CNTROB: variants seen among roughly 807,000 people sequenced by gnomAD.
The protein encoded by CNTROB is centrobin.
CNTROB carries 82 observed loss-of-function variants against 115.7 expected under a neutral mutation model. That is an observed-to-expected ratio of 0.71 (90% CI 0.59 to 0.85). The LOEUF (loss-of-function observed/expected upper bound fraction) is 0.85, where lower values mean the gene tolerates loss of function less well. Among genes scored for constraint, CNTROB ranks in the 40% least tolerant of loss-of-function variants. CNTROB has a pLI of 0.00. For synonymous variants in CNTROB, 439 were observed against 456.4 expected (o/e 0.96, Z 0.49); for missense variants, 1,014 against 1,144.4 (o/e 0.89, Z 1.64).
In CNTROB at chr17:7,933,168, T is replaced by G. The variant is rs763407588; in HGVS notation, c.89T>G (p.Val30Gly). ...DSSEPPGLNQVSSEVTSQLYA... is the reference protein window; with the variant it reads ...DSSEPPGLNQGSSEVTSQLYA... ...TCAGAACCCCCTGGGCTCAACCAAG[T>G]GTCGTCTGAAGTGACCTCCCAGCTC... is the stretch of plus-strand genomic sequence containing the variant. Residue 30 changes from valine to glycine, a missense_variant, in exon 1 of 19, where the codon GTG becomes GGG. Transcript: ENST00000563694. 6.2e-7 allele frequency: 1 copy of G among 1,613,994 alleles called. No individual in the cohort carries two copies. Among genetic ancestry groups the G allele is most frequent in the Admixed American group, 1.7e-5 (1 of 60,004 alleles).
At chr17:7,934,903 G>C in intron 3 of CNTROB, 86 bp from the exon 4 acceptor site, 4 of 1,458,838 alleles carry the variant, frequency 2.7e-6, no homozygotes, top group African/African-American at 1.4e-5. Flanking sequence ...CTGGGTCTCA[G>C]TTTCCTCATT....
chr17:7,942,439 T>A (rs1973987520), intron 9 of CNTROB, among the ~76,000 whole-genome samples: 1 of 151,206 alleles, frequency 6.6e-6, no homozygotes, highest in Non-Finnish European at 1.5e-5. Flanking sequence ...CTACTAAAAA[T>A]ACAAAAAATT....
intron 13 of CNTROB, among the ~76,000 whole-genome samples, chr17:7,947,125 C>T (rs1471216405): frequency 1.4e-5 from 2 of 146,938 alleles, no homozygotes; most frequent in Non-Finnish European, 3.0e-5. Context: ...CGCGCCGCTG[C>T]ACTTCAGCCT....
In CNTROB at chr17:7,949,407, G is replaced by C; in HGVS notation, c.2609G>C (p.Arg870Pro). 1 of 1,613,932 alleles carries C rather than the reference G, an allele frequency of 6.2e-7. No homozygotes were observed. The change falls in exon 19 of 19, where the codon CGC (arginine) becomes CCC (proline). Residue 870 changes from arginine to proline, a missense_variant. Arg to Pro is a moderately radical substitution (Grantham distance 103). Transcript: ENST00000563694. ...RKEIPSQAVPRRLATAPKTEK... is the reference protein window; with the variant it reads ...RKEIPSQAVPPRLATAPKTEK... ...CAGATTCCCTCCCAGGCTGTCCCTC[G>C]CCGCCTTGCTACAGCCCCCAAGACT...
chr17:7,944,660 A>G lies in CNTROB; in HGVS notation c.1734+22A>G, dbSNP rs376514195. ...TCCAGTACGCCTTACCCCTTGAGCTAAGCTTCTCCGTTATGTTCTATTTTT... is the reference window on the plus strand; with the variant it reads ...TCCAGTACGCCTTACCCCTTGAGCTGAGCTTCTCCGTTATGTTCTATTTTT... On this transcript the variant is annotated intron_variant, in intron 12 of 18. Transcript: ENST00000563694. This position sits in a 1 kb window ranked among gnomAD's most constrained non-coding sequence, Gnocchi z 4.0. 3 of 1,585,278 alleles carry G rather than the reference A, an allele frequency of 1.9e-6. No homozygotes were observed. Among genetic ancestry groups the G allele is most frequent in the Non-Finnish European group, 2.6e-6 (3 of 1,165,390 alleles).
chr17:7,942,649 A>G (rs924378084), intron 9 of CNTROB, among the ~76,000 whole-genome samples: 1 of 150,744 alleles, frequency 6.6e-6, no homozygotes, highest in African/African-American at 2.4e-5. Context: ...GTAAAATACT[A>G]TACGTGGAAA....
At position 7,943,563 on chromosome 17, in the gene CNTROB, A is replaced by G. The variant is rs1352323587; in HGVS notation, c.1445+39A>G. ...ACTGGGTGTCACTTCTCTCAGCCAC[A>G]GCACGTATCGTTAGTGCCAGGCCTG... On this transcript the variant is annotated intron_variant, in intron 10 of 18. Coordinates refer to ENST00000563694, the MANE Select transcript of CNTROB (RefSeq NM_053051.5). The surrounding 1 kb of genome is among the most constrained non-coding windows in gnomAD (Gnocchi z 4.7). 1 of 1,591,686 alleles carries G rather than the reference A, an allele frequency of 6.3e-7. No homozygotes were observed. Among genetic ancestry groups the G allele is most frequent in the Non-Finnish European group, 8.6e-7 (1 of 1,165,320 alleles).
In CNTROB at chr17:7,948,746, G is replaced by C. The variant is rs1466584811; in HGVS notation, c.2513+127G>C. ...CTGGGGAGGAAAGTGAAGGATGAGA[G>C]GTGGATCCACAGATCTTCTCTAACT... is the stretch of plus-strand genomic sequence containing the variant. On this transcript the variant is annotated intron_variant, in intron 17 of 18. Coordinates refer to ENST00000563694, the MANE Select transcript of CNTROB (RefSeq NM_053051.5). The surrounding 1 kb of genome is among the most constrained non-coding windows in gnomAD (Gnocchi z 4.4). 3.1e-6 allele frequency: 5 copies of C among 1,602,014 alleles called. No individual in the cohort carries two copies. The highest frequency in any genetic ancestry group is 4.3e-6 in the Non-Finnish European group (5 of 1,171,548).
In CNTROB at chr17:7,939,947, CTG is replaced by C; in HGVS notation, c.1165-148_1165-147del. The C allele has an allele frequency of 8.9e-7, 1 of 1,126,024 alleles. No homozygotes were observed. Among genetic ancestry groups the C allele is most frequent in the Non-Finnish European group, 1.3e-6 (1 of 791,356 alleles). The allele number at this position is 1,126,024 out of a possible 1,614,324, so 69.8% of individuals were successfully genotyped here. A position where few individuals can be genotyped will look rare whatever the true frequency, so the allele number is the denominator to read the frequency against. On this transcript the variant is annotated intron_variant, in intron 8 of 18. Transcript: ENST00000563694. The surrounding 1 kb of genome is among the most constrained non-coding windows in gnomAD (Gnocchi z 4.4). ...TAATGAATACGTGAAAGGCCAAAGA[CTG>C]AAATTCAACAGGGATGGGGAAATAA... is the stretch of plus-strand genomic sequence containing the variant.
chr17:7,942,262 G>C (rs1461511884), intron 9 of CNTROB, among the ~76,000 whole-genome samples: 2 of 152,012 alleles, frequency 1.3e-5, no homozygotes, highest in African/African-American at 4.8e-5. Flanking sequence ...ACAAGACTCT[G>C]TCTCAGAAGT....
intron 4 of CNTROB, 132 bp downstream of exon 4, chr17:7,935,277 G>A: frequency 7.3e-7 from 1 of 1,374,950 alleles, no homozygotes; most frequent in Non-Finnish European, 1.0e-6. Context: ...GCTGAGGCAG[G>A]CGGATCACGA....
intron 1 of CNTROB, 83 bp from the exon 2 acceptor site, chr17:7,934,055 G>A: frequency 8.8e-7 from 1 of 1,138,318 alleles, no homozygotes. Flanking sequence ...TTTCCAAAGT[G>A]CTGGAGTGAA....
Position 7,944,741 on chromosome 17 carries a change from G to A in CNTROB, c.1734+103G>A, listed in dbSNP as rs1029151840. On this transcript the variant is annotated intron_variant, in intron 12 of 18. Transcript: ENST00000563694. The surrounding 1 kb of genome is among the most constrained non-coding windows in gnomAD (Gnocchi z 4.0). Reference sequence around the variant, plus strand: ...TGCCCAGGCTGGAGTGTACTGGTGAGATCATAGCTCATTGCAGCCTCGAAC... The same window carrying A: ...TGCCCAGGCTGGAGTGTACTGGTGAAATCATAGCTCATTGCAGCCTCGAAC... 4.5e-6 allele frequency: 6 copies of A among 1,337,386 alleles called. No homozygotes were observed. The highest frequency in any genetic ancestry group is 2.4e-5 in the East Asian group (1 of 41,794). 82.8% of individuals were successfully genotyped at this position (1,337,386 alleles called of 1,614,324 possible). A position where few individuals can be genotyped will look rare whatever the true frequency, so the allele number is the denominator to read the frequency against.
chr17:7,936,709 C>A lies in CNTROB; in HGVS notation c.720C>A (p.Ala240=). 1 of 1,435,346 alleles carries A rather than the reference C, an allele frequency of 7.0e-7. No individual in the cohort carries two copies. Among genetic ancestry groups the A allele is most frequent in the Non-Finnish European group, 9.8e-7 (1 of 1,016,814 alleles). The allele number at this position is 1,435,346 out of a possible 1,614,324, so 88.9% of individuals were successfully genotyped here. The change falls in exon 6 of 19, where the codon GCC becomes GCA. Residue 240 remains alanine, a synonymous_variant. Coordinates refer to ENST00000563694, the MANE Select transcript of CNTROB (RefSeq NM_053051.5). Reference sequence around the variant, plus strand: ...TACTTGCCCTACCTAAGACCCTGGCCCGTGTGGTGGAGGGCTGGAACCGGC... The same window carrying A: ...TACTTGCCCTACCTAAGACCCTGGCACGTGTGGTGGAGGGCTGGAACCGGC... ...TMIEQLDKTL[A]RVVEGWNRHE...
chr17:7,944,070 G>A lies in CNTROB; in HGVS notation c.1446-53G>A. ...ACACATGATGTCTTTTTCTCAGTTG[G>A]TCACTTCTTCTGTCTCCAGTCTCAG... is the stretch of plus-strand genomic sequence containing the variant. On this transcript the variant is annotated intron_variant, in intron 10 of 18. Transcript: ENST00000563694. This position sits in a 1 kb window ranked among gnomAD's most constrained non-coding sequence, Gnocchi z 4.0. 1 of 1,461,454 alleles carries A rather than the reference G, an allele frequency of 6.8e-7. No homozygotes were observed. The highest frequency in any genetic ancestry group is 9.5e-7 in the Non-Finnish European group (1 of 1,049,028). The allele number at this position is 1,461,454 out of a possible 1,614,324, so 90.5% of individuals were successfully genotyped here.
chr17:7,933,105 G>C lies in CNTROB; in HGVS notation c.26G>C (p.Ser9Thr). The C allele has an allele frequency of 3.1e-6, 5 of 1,614,094 alleles. No homozygotes were observed. Among genetic ancestry groups the C allele is most frequent in the Non-Finnish European group, 4.2e-6 (5 of 1,180,010 alleles). ...ATGGCAACATCAGCTGACAGCCCCAGTTCACCCCTCGGGGCGGAGGATCTC... is the reference window on the plus strand; with the variant it reads ...ATGGCAACATCAGCTGACAGCCCCACTTCACCCCTCGGGGCGGAGGATCTC... Reference protein sequence around the residue: MATSADSPSSPLGAEDLLS... With the variant: MATSADSPTSPLGAEDLLS... Residue 9 changes from serine to threonine, a missense_variant, in exon 1 of 19, where the codon AGT becomes ACT. Ser to Thr is a moderately conservative substitution (Grantham distance 58). Transcript: ENST00000563694.
At position 7,934,139 on chromosome 17, in the gene CNTROB, A is replaced by G. The variant is rs754047296; in HGVS notation, c.272A>G (p.Asp91Gly). 1.9e-6 allele frequency: 3 copies of G among 1,613,916 alleles called. No homozygotes were observed. The highest frequency in any genetic ancestry group is 2.5e-6 in the Non-Finnish European group (3 of 1,179,816). The change falls in exon 2 of 19, where the codon GAT becomes GGT. Residue 91 changes from aspartate to glycine, a missense_variant and splice_region_variant. Asp to Gly is a moderately conservative substitution (Grantham distance 94). Transcript: ENST00000563694. Reference sequence around the variant, plus strand: ...GATTTCCATGTGGCTTTTTTCCAGGATGGTTCTAAGCATATCTTTGAGATG... The same window carrying G: ...GATTTCCATGTGGCTTTTTTCCAGGGTGGTTCTAAGCATATCTTTGAGATG... ...VGLEKNLKKK[D>G]GSKHIFEMES...
At position 7,948,673 on chromosome 17, in the gene CNTROB, G is replaced by A. The variant is rs758365980; in HGVS notation, c.2513+54G>A. ...TTCTCCGGGTGGAAGCTGGATTATGGGGAGTGGAGTGGGTGTGTTTTACAC... is the reference window on the plus strand; with the variant it reads ...TTCTCCGGGTGGAAGCTGGATTATGAGGAGTGGAGTGGGTGTGTTTTACAC... On this transcript the variant is annotated intron_variant, in intron 17 of 18. Transcript: ENST00000563694. This position sits in a 1 kb window ranked among gnomAD's most constrained non-coding sequence, Gnocchi z 4.4. The A allele has an allele frequency of 4.6e-5, 74 of 1,613,934 alleles. No individual in the cohort carries two copies. Among genetic ancestry groups the A allele is most frequent in the Non-Finnish European group, 6.3e-5 (74 of 1,179,982 alleles).
chr17:7,933,922 C>T (rs762884529), intron 1 of CNTROB, among the ~76,000 whole-genome samples: 18 of 152,170 alleles, frequency 1.2e-4, no homozygotes, highest in Admixed American at 7.9e-4. Context: ...CAAGAATCTC[C>T]GCAACTCTTG....
Sources: allele counts gnomAD v4.1 joint callset (sites outside exome capture counted in the v4.1 genomes callset), GRCh38; gene constraint gnomAD v4.1.1; non-coding constraint Gnocchi (gnomAD v3.1); transcripts MANE v1.5; gene names NCBI Gene and HGNC (gene_info 2026-07-23, HGNC 2026-07-21).